Variants in SMYD1 observed in about 807,000 individuals in gnomAD.
The protein encoded by SMYD1 is SET and MYND domain containing 1.
SMYD1 carries 49 observed loss-of-function variants against 54.0 expected under a neutral mutation model. That is an observed-to-expected ratio of 0.91 (90% CI 0.72 to 1.15). SMYD1 has a LOEUF of 1.15. Ranked by LOEUF, SMYD1 falls within the 50% of genes most tolerant of loss-of-function variation. The pLI is 0.00. For missense variants in SMYD1, 653 were observed against 639.6 expected (o/e 1.02, Z -0.23); for synonymous variants, 269 against 234.2 (o/e 1.15, Z -1.36).
At chr2:88,071,108 A>T (rs1321668525) in intron 1 of SMYD1, among the ~76,000 whole-genome samples, 2 of 152,066 alleles carry the variant, frequency 1.3e-5, no homozygotes, top group Non-Finnish European at 2.9e-5. Flanking sequence ...TTTATTATTC[A>T]TCTGTATGGT....
chr2:88,091,083 C>T lies in SMYD1; in HGVS notation c.600C>T (p.Asn200=), dbSNP rs1317615224. ...LQAVGVGIFP[N]LGLVNHDCWP... ...CCGTGGGCGTAGGCATCTTCCCCAA[C>T]CTGGGCCTGGTGAACCATGACTGTT... Residue 200 remains asparagine (N), a synonymous_variant, in exon 4 of 10, where the codon AAC becomes AAT. Coordinates refer to ENST00000419482, the MANE Select transcript of SMYD1 (RefSeq NM_198274.4). The T allele has an allele frequency of 6.2e-7, 1 of 1,614,066 alleles. No individual in the cohort carries two copies. Among genetic ancestry groups the T allele is most frequent in the African/African-American group, 1.3e-5 (1 of 74,934 alleles).
chr2:88,101,849 G>A (rs979987234), intron 6 of SMYD1, among the ~76,000 whole-genome samples: 4 of 152,170 alleles, frequency 2.6e-5, no homozygotes, highest in African/African-American at 9.7e-5. Flanking sequence ...CAGGTAATCT[G>A]CCCGCCTGGG....
intron 1 of SMYD1, among the ~76,000 whole-genome samples, 189 bp downstream of exon 1, chr2:88,068,190 T>A (rs1237778069): frequency 6.6e-6 from 1 of 152,160 alleles, no homozygotes; most frequent in African/African-American, 2.4e-5. Context: ...CCAGTGTGAT[T>A]TGCTGTGGCT....
At chr2:88,086,040 G>T (rs748203296) in intron 2 of SMYD1, among the ~76,000 whole-genome samples, 1 of 152,130 alleles carries the variant, frequency 6.6e-6, no homozygotes, top group Non-Finnish European at 1.5e-5. Flanking sequence ...TGTGTAGGTG[G>T]ATACATGAAG....
At chr2:88,076,273 G>A (rs1444709564) in intron 1 of SMYD1, among the ~76,000 whole-genome samples, 1 of 152,146 alleles carries the variant, frequency 6.6e-6, no homozygotes, top group Non-Finnish European at 1.5e-5. Context: ...GGAGTGCAGT[G>A]GCGTGATTTC....
At chr2:88,103,969 CTT>C (rs111800051) in intron 7 of SMYD1, among the ~76,000 whole-genome samples, 61 of 142,220 alleles carry the variant, frequency 4.3e-4, no homozygotes, top group African/African-American at 9.2e-4. Context: ...ATTTCTATTT[CTT>C]TTTTTTTTTT....
In SMYD1 at chr2:88,103,043, GTC is replaced by G. The variant is rs759238741; in HGVS notation, c.889-9_889-8del. The G allele has an allele frequency of 3.3e-5, 53 of 1,611,796 alleles. No homozygotes were observed. Among genetic ancestry groups the G allele is most frequent in the Non-Finnish European group, 4.2e-6 (5 of 1,178,070 alleles). ...CATGAAGGCATCTCTAGCTCAATGT[GTC>G]TCTCTTTCCCAGCCCTCTCAGGAAG... On this transcript the variant is annotated splice_polypyrimidine_tract_variant and intron_variant, in intron 6 of 9. Coordinates refer to ENST00000419482, the MANE Select transcript of SMYD1 (RefSeq NM_198274.4).
chr2:88,084,926 T>A (rs991672787), intron 2 of SMYD1, among the ~76,000 whole-genome samples: 2 of 151,992 alleles, frequency 1.3e-5, no homozygotes, highest in East Asian at 3.9e-4. Context: ...AATTTTTGTA[T>A]TTTTTTAGAG....
rs1433449582 is a variant in SMYD1, at chr2:88,111,928, C to A, written c.*1416C>A. 11 of 640,998 alleles carry A rather than the reference C, an allele frequency of 1.7e-5. No homozygotes were observed. The highest frequency in any genetic ancestry group is 3.1e-5 in the Non-Finnish European group (11 of 352,636). 39.7% of individuals were successfully genotyped at this position (640,998 alleles called of 1,614,324 possible). On this transcript the variant is annotated 3_prime_UTR_variant, in exon 10 of 10. Coordinates refer to ENST00000419482, the MANE Select transcript of SMYD1 (RefSeq NM_198274.4). ...TTGAAGTAAATTGATCCCACCAGGT[C>A]CCACGTTTGTTATCTCTGCCTAAAT...
intron 8 of SMYD1, 55 bp from the exon 9 acceptor site, chr2:88,108,316 G>A: frequency 6.9e-7 from 1 of 1,445,400 alleles, no homozygotes; most frequent in South Asian, 1.6e-5. Context: ...ATTAAATTAA[G>A]TGCAGATATA....
rs1177118957 is a variant in SMYD1 at position 88,111,088 on chromosome 2, G to A, written c.*576G>A. ...TACTGTGTGGTTGGTGTGGAGTTTT[G>A]AAGAAGGGGCTGTGTTTGGGCCACG... On this transcript the variant is annotated 3_prime_UTR_variant, in exon 10 of 10. Transcript: ENST00000419482. The A allele has an allele frequency of 6.6e-6, 1 of 152,514 alleles. No individual in the cohort carries two copies. The highest frequency in any genetic ancestry group is 2.4e-5 in the African/African-American group (1 of 41,446). The allele number at this position is 152,514 out of a possible 1,614,324, so 9.4% of individuals were successfully genotyped here. A position where few individuals can be genotyped will look rare whatever the true frequency, so the allele number is the denominator to read the frequency against.
intron 6 of SMYD1, among the ~76,000 whole-genome samples, chr2:88,100,229 A>G (rs1297049838): frequency 1.3e-5 from 2 of 152,164 alleles, no homozygotes; most frequent in African/African-American, 4.8e-5. Flanking sequence ...TAGATTTATC[A>G]CATGTTGCAC....
chr2:88,105,059 C>A (rs563767878), intron 7 of SMYD1, among the ~76,000 whole-genome samples: 1 of 152,182 alleles, frequency 6.6e-6, no homozygotes, highest in African/African-American at 2.4e-5. Flanking sequence ...AACTACACAT[C>A]CAGGGTTTCT....
intron 1 of SMYD1, among the ~76,000 whole-genome samples, chr2:88,083,735 C>T (rs1674252983): frequency 6.6e-6 from 1 of 152,182 alleles, no homozygotes; most frequent in East Asian, 1.9e-4. Flanking sequence ...TCAATTTACC[C>T]TTCCTGAATT....
rs761814937 is a variant in SMYD1, at chr2:88,106,398, G to A, written c.1055G>A (p.Arg352Gln). The A allele has an allele frequency of 2.2e-5, 36 of 1,614,050 alleles. 1 individual carries two copies. The South Asian group carries it at 2.3e-4, about 10-fold the overall frequency. Residue 352 changes from arginine (R) to glutamine (Q), a missense_variant, in exon 8 of 10, where the codon CGG becomes CAG. Transcript: ENST00000419482. ...GCTGACACCAACATCTACATGCTGC[G>A]GATGCTGAGCATTGTTTCGGAGGTC... ...VFADTNIYML[R>Q]MLSIVSEVLS...
In SMYD1 at chr2:88,108,506, C is replaced by T. The variant is rs113707075; in HGVS notation, c.1281C>T (p.His427=). 3,762 of 1,606,578 alleles carry T rather than the reference C, an allele frequency of 2.3e-3. 15 individuals carry two copies. Among genetic ancestry groups the T allele is most frequent in the Non-Finnish European group, 2.8e-3 (3,304 of 1,176,670 alleles). The part of the protein sequence containing the change: ...CKAYAILLVT[H]GPSHPITKDL... ...CCTATGCCATTCTCCTGGTGACACACGGACCCTCCCACCCCATCACTAAGG... is the reference window on the plus strand; with the variant it reads ...CCTATGCCATTCTCCTGGTGACACATGGACCCTCCCACCCCATCACTAAGG... Residue 427 remains histidine, a synonymous_variant, in exon 9 of 10, where the codon CAC becomes CAT. Coordinates refer to ENST00000419482, the MANE Select transcript of SMYD1 (RefSeq NM_198274.4).
chr2:88,096,479 T>C, intron 5 of SMYD1, 116 bp from the exon 6 acceptor site: 1 of 889,790 alleles, frequency 1.1e-6, no homozygotes, highest in South Asian at 1.6e-5. Context: ...TGGGAGTTTC[T>C]GAGTGTCAGT....
Position 88,088,997 on chromosome 2 carries a change from T to A in SMYD1, c.528+922T>A, listed in dbSNP as rs150909621. ...GGACGGAGGAGGACAAACATCACACTGACATCTCTCCAGTCTTCACCATAT... is the reference window on the plus strand; with the variant it reads ...GGACGGAGGAGGACAAACATCACACAGACATCTCTCCAGTCTTCACCATAT... On this transcript the variant is annotated intron_variant, in intron 3 of 9. Coordinates refer to ENST00000419482, the MANE Select transcript of SMYD1 (RefSeq NM_198274.4). Among the ~76,000 whole-genome samples, 16 of 152,270 alleles carry A rather than the reference T, an allele frequency of 1.1e-4. No individual in the cohort carries two copies. In the East Asian group the frequency reaches 3.1e-3, roughly 29 times the overall value.
chr2:88,079,866 C>T (rs1006138855), intron 1 of SMYD1, among the ~76,000 whole-genome samples: 1 of 152,154 alleles, frequency 6.6e-6, no homozygotes, highest in Non-Finnish European at 1.5e-5. Flanking sequence ...TTTTTTGTTA[C>T]CACCATGTAC....
Sources: gnomAD v4.1 joint callset for allele counts (sites outside exome capture counted in the v4.1 genomes callset) on GRCh38, gnomAD v4.1.1 for gene constraint, MANE v1.5 for transcripts, NCBI Gene and HGNC (gene_info 2026-07-23, HGNC 2026-07-21) for gene names.